NAP1L1: variants seen among roughly 807,000 people sequenced by gnomAD.
NAP1L1 encodes the protein nucleosome assembly protein 1-like 1.
Under a neutral mutation model 58.9 loss-of-function variants are expected in NAP1L1, and 9 were observed. The observed-to-expected ratio is 0.15, with a 90% confidence interval of 0.09 to 0.27. The LOEUF (loss-of-function observed/expected upper bound fraction) is 0.27, where lower values mean the gene tolerates loss of function less well. NAP1L1 is among the 10% of genes least tolerant of loss of function. NAP1L1 has a pLI of 1.00. For missense variants in NAP1L1, 302 were observed against 458.8 expected (o/e 0.66, Z 3.12); for synonymous variants, 130 against 138.3 (o/e 0.94, Z 0.42).
intron 1 of NAP1L1, among the ~76,000 whole-genome samples, chr12:76,079,643 T>C (rs1413177061): frequency 1.3e-5 from 2 of 151,230 alleles, no homozygotes; most frequent in African/African-American, 4.9e-5. Flanking sequence ...GTGTATAAGA[T>C]CTCAAAAGAC....
intron 6 of NAP1L1, chr12:76,057,781 C>T: frequency 6.4e-7 from 1 of 1,551,256 alleles, no homozygotes; most frequent in Non-Finnish European, 8.7e-7. Flanking sequence ...TGGAATCTGT[C>T]AAGGTCAAGG....
chr12:76,066,158 CT>C (rs1360659334), intron 4 of NAP1L1, among the ~76,000 whole-genome samples: 238 of 136,750 alleles, frequency 1.7e-3, no homozygotes, highest in Non-Finnish European at 3.2e-3. Flanking sequence ...ACAAACAAAC[CT>C]GGCTCAAAAA....
intron 12 of NAP1L1, among the ~76,000 whole-genome samples, chr12:76,050,015 C>T (rs1206343322): frequency 6.6e-6 from 1 of 152,122 alleles, no homozygotes; most frequent in African/African-American, 2.4e-5. Context: ...AGTGGATGAT[C>T]AGACAAGTAT....
chr12:76,041,871 G>A lies in NAP1L1; in HGVS notation c.*6558C>T, dbSNP rs1319693888. The stretch of plus-strand genomic sequence containing the variant: ...GATAACCTGAATAATGACAATTTGG[G>A]TATTCTGAAGCATGAGAAATCCAAA... On this transcript the variant is annotated 3_prime_UTR_variant, in exon 15 of 15. Coordinates refer to ENST00000618691, the MANE Select transcript of NAP1L1 (RefSeq NM_004537.7). The A allele has an allele frequency of 6.6e-6, 1 of 152,140 alleles. No homozygotes were observed. Among genetic ancestry groups the A allele is most frequent in the Non-Finnish European group, 1.5e-5 (1 of 68,028 alleles). 9.4% of individuals were successfully genotyped at this position (152,140 alleles called of 1,614,324 possible).
At chr12:76,058,050 G>T in intron 6 of NAP1L1, 1 of 778,410 alleles carries the variant, frequency 1.3e-6, no homozygotes, top group South Asian at 1.3e-5. Context: ...CTTTACAGAT[G>T]ACATAATTGA....
At chr12:76,053,417 A>G (rs1948932964) in intron 9 of NAP1L1, 67 bp from the exon 10 acceptor site, 1 of 1,537,576 alleles carries the variant, frequency 6.5e-7, no homozygotes, top group Non-Finnish European at 8.8e-7. Context: ...TTTTAGAAGT[A>G]AATGTTCTAT....
chr12:76,041,625 T>A lies in NAP1L1; in HGVS notation c.*6804A>T, dbSNP rs1948551290. ...AGTTAAGTGCGGCAGCTCCCACTTGTAAGCATAGCACCTCAGGAGGTTGAG... is the reference window on the plus strand; with the variant it reads ...AGTTAAGTGCGGCAGCTCCCACTTGAAAGCATAGCACCTCAGGAGGTTGAG... On this transcript the variant is annotated 3_prime_UTR_variant, in exon 15 of 15. Coordinates refer to ENST00000618691, the MANE Select transcript of NAP1L1 (RefSeq NM_004537.7). 1 of 152,186 alleles carries A rather than the reference T, an allele frequency of 6.6e-6. No individual in the cohort carries two copies. The highest frequency in any genetic ancestry group is 1.5e-5 in the Non-Finnish European group (1 of 68,044). 9.4% of individuals were successfully genotyped at this position (152,186 alleles called of 1,614,324 possible). A position where few individuals can be genotyped will look rare whatever the true frequency, so the allele number is the denominator to read the frequency against.
At chr12:76,057,736 AAACTTAC>A in intron 6 of NAP1L1, 7 of 1,549,136 alleles carry the variant, frequency 4.5e-6, no homozygotes, top group Non-Finnish European at 6.1e-6. Context: ...TGAATATGCA[AAACTTAC>A]TGTGGAAAAT....
chr12:76,063,135 G>A (rs558885450), intron 4 of NAP1L1, among the ~76,000 whole-genome samples: 1 of 152,248 alleles, frequency 6.6e-6, no homozygotes, highest in Admixed American at 6.5e-5. Context: ...CAACTTTTGA[G>A]GAAAATTTTT....
chr12:76,080,993 T>A (rs1185118314), intron 1 of NAP1L1, among the ~76,000 whole-genome samples: 1 of 152,152 alleles, frequency 6.6e-6, no homozygotes, highest in Non-Finnish European at 1.5e-5. Context: ...TTGGGAACCT[T>A]CAGAGTCTCC....
intron 3 of NAP1L1, 117 bp from the exon 4 acceptor site, chr12:76,067,590 CTAA>C (rs1949741294): frequency 8.4e-6 from 6 of 711,704 alleles, no homozygotes; most frequent in Admixed American, 7.5e-5. Context: ...GCTGGTATAT[CTAA>C]TGAGTAGAGA....
intron 4 of NAP1L1, among the ~76,000 whole-genome samples, chr12:76,063,881 TAAA>T (rs10693123): frequency 8.7e-5 from 12 of 137,502 alleles, no homozygotes; most frequent in African/African-American, 3.3e-4. Flanking sequence ...GTTAAAAGTT[TAAA>T]AAAAAAAAAA....
rs2136933954 is a variant in NAP1L1, at chr12:76,041,665, TG to T, written c.*6763del. ...AGGAGGTTGAGGTGAGACAACCACT[TG>T]AGCCCAGGAGTTAGACACTAGTCCA... On this transcript the variant is annotated 3_prime_UTR_variant, in exon 15 of 15. Transcript: ENST00000618691. 6.6e-6 allele frequency: 1 copy of T among 152,242 alleles called. No homozygotes were observed. The highest frequency in any genetic ancestry group is 2.1e-4 in the South Asian group (1 of 4,826). 9.4% of individuals were successfully genotyped at this position (152,242 alleles called of 1,614,324 possible). A position where few individuals can be genotyped will look rare whatever the true frequency, so the allele number is the denominator to read the frequency against.
At chr12:76,049,123 A>C (rs1565712554) in intron 14 of NAP1L1, 77 bp downstream of exon 14, 1 of 1,412,442 alleles carries the variant, frequency 7.1e-7, no homozygotes, top group African/African-American at 1.4e-5. Flanking sequence ...TAACGGAGAG[A>C]AACTTGATAT....
At chr12:76,051,777 G>A (rs188779941) in intron 11 of NAP1L1, among the ~76,000 whole-genome samples, 50 of 152,252 alleles carry the variant, frequency 3.3e-4, no homozygotes, top group Admixed American at 9.2e-4. Context: ...GACTTTGGGA[G>A]GCCAAGGCAG....
chr12:76,056,269 G>A, intron 6 of NAP1L1, 108 bp from the exon 7 acceptor site: 1 of 1,141,320 alleles, frequency 8.8e-7, no homozygotes, highest in South Asian at 1.6e-5. Context: ...TACCTTCAAA[G>A]TTCTAGTCTA....
chr12:76,050,497 C>T lies in NAP1L1; in HGVS notation c.1059+34G>A, dbSNP rs778230442. 8 of 1,586,658 alleles carry T rather than the reference C, an allele frequency of 5.0e-6. No homozygotes were observed. In the South Asian group the frequency reaches 9.4e-5, roughly 19 times the overall value. On this transcript the variant is annotated intron_variant, in intron 12 of 14. Coordinates refer to ENST00000618691, the MANE Select transcript of NAP1L1 (RefSeq NM_004537.7). Reference sequence around the variant, plus strand: ...CAATTCTGACCACTATACCCTCAACCAATTATTTCTTTGCAGGATTCAAAT... The same window carrying T: ...CAATTCTGACCACTATACCCTCAACTAATTATTTCTTTGCAGGATTCAAAT...
At chr12:76,058,114 G>C in intron 6 of NAP1L1, 2 of 728,588 alleles carry the variant, frequency 2.7e-6, no homozygotes, top group Non-Finnish European at 5.2e-6. Context: ...GAAGATCTTG[G>C]AGAAGAAGTG....
intron 1 of NAP1L1, among the ~76,000 whole-genome samples, chr12:76,078,034 C>T (rs373920850): frequency 1.7e-5 from 2 of 119,340 alleles, no homozygotes; most frequent in Admixed American, 7.9e-5. Context: ...TGTTTTTTAA[C>T]AAAAACATTT....
Sources: allele counts gnomAD v4.1 joint callset (sites outside exome capture counted in the v4.1 genomes callset), GRCh38; gene constraint gnomAD v4.1.1; transcripts MANE v1.5; gene names NCBI Gene and HGNC (gene_info 2026-07-23, HGNC 2026-07-21).